The following EPS15L1 variants were observed in gnomAD, a reference collection of about 807,000 sequenced individuals.
EPS15L1 encodes epidermal growth factor receptor substrate 15-like 1.
A neutral mutation model predicts 117.1 loss-of-function variants in EPS15L1; 43 were observed. The ratio of observed to expected loss-of-function variants is 0.37; its 90% CI spans 0.29 to 0.47. The LOEUF is 0.47. EPS15L1 is among the 20% of genes least tolerant of loss of function. The pLI is 0.99. For synonymous variants in EPS15L1, 459 were observed against 470.5 expected (o/e 0.98, Z 0.32); for missense variants, 981 against 1,164.0 (o/e 0.84, Z 2.29).
Position 16,438,302 on chromosome 19 carries a change from A to C in EPS15L1, c.214-437T>G, listed in dbSNP as rs573590994. Among the ~76,000 whole-genome samples, 13 of 152,236 alleles carry C rather than the reference A, an allele frequency of 8.5e-5. 1 individual carries two copies. The highest frequency in any genetic ancestry group is 2.6e-4 in the African/African-American group (11 of 41,558). On this transcript the variant is annotated intron_variant, in intron 4 of 23. Coordinates refer to ENST00000455140, the MANE Select transcript of EPS15L1 (RefSeq NM_001258374.3). ...CAGAGGGTGGAGGCTGCAGTGAGCCAAGATCATGCCACTTCACTCCAGGCT... is the reference window on the plus strand; with the variant it reads ...CAGAGGGTGGAGGCTGCAGTGAGCCCAGATCATGCCACTTCACTCCAGGCT...
rs2092117106 is a variant in EPS15L1 at position 16,365,218 on chromosome 19, C to T, written c.2381-3234G>A. On this transcript the variant is annotated intron_variant, in intron 22 of 23. Coordinates refer to ENST00000455140, the MANE Select transcript of EPS15L1 (RefSeq NM_001258374.3). This position sits in a 1 kb window ranked among gnomAD's most constrained non-coding sequence, Gnocchi z 4.9. Reference sequence around the variant, plus strand: ...CGGTGTGGGGCATGGCGGCCACCCCCCTCAGCCTGTTTCTTAATCCAAACA... The same window carrying T: ...CGGTGTGGGGCATGGCGGCCACCCCTCTCAGCCTGTTTCTTAATCCAAACA... Among the ~76,000 whole-genome samples, 1 of 152,216 alleles carries T rather than the reference C, an allele frequency of 6.6e-6. No individual in the cohort carries two copies. Among genetic ancestry groups the T allele is most frequent in the Non-Finnish European group, 1.5e-5 (1 of 68,028 alleles).
rs41278192 is a variant in EPS15L1, at chr19:16,404,569, G to A, written c.1428+19C>T. ...CTGCCTGTGCATAGGGCGCTGCCCC[G>A]GAGGTGGCCGGGACCCACCATCTGA... On this transcript the variant is annotated intron_variant, in intron 14 of 23. Coordinates refer to ENST00000455140, the MANE Select transcript of EPS15L1 (RefSeq NM_001258374.3). This position sits in a 1 kb window ranked among gnomAD's most constrained non-coding sequence, Gnocchi z 4.2. The A allele has an allele frequency of 0.031, 49,635 of 1,613,696 alleles. 924 individuals are homozygous for A. The highest frequency in any genetic ancestry group is 0.036 in the Non-Finnish European group (42,155 of 1,179,836).
intron 7 of EPS15L1, among the ~76,000 whole-genome samples, chr19:16,429,553 G>A (rs1221685388): frequency 1.3e-5 from 2 of 152,104 alleles, no homozygotes; most frequent in South Asian, 2.1e-4. Context: ...TGCTGCGCCC[G>A]AGGCTCAGGC....
chr19:16,442,930 G>A (rs2093046950), intron 1 of EPS15L1, among the ~76,000 whole-genome samples: 1 of 152,222 alleles, frequency 6.6e-6, no homozygotes, highest in Admixed American at 6.5e-5. Flanking sequence ...CCTGGATCCA[G>A]CCTGGCTGGC....
chr19:16,404,685 T>C lies in EPS15L1; in HGVS notation c.1331A>G (p.Asp444Gly). The change falls in exon 14 of 24, where the codon GAT becomes GGT. Residue 444 changes from aspartate (D) to glycine (G), a missense_variant. Physicochemically the swap from Asp to Gly is moderately conservative, Grantham distance 94. This residue lies in a region of EPS15L1 where 819 missense variants were observed against 949.0 expected (regional missense o/e 0.86). Coordinates refer to ENST00000455140, the MANE Select transcript of EPS15L1 (RefSeq NM_001258374.3). The surrounding 1 kb of genome is among the most constrained non-coding windows in gnomAD (Gnocchi z 4.2). Reference protein sequence around the residue: ...SLQELEAQKQDAQDRLDEMDQ... With the variant: ...SLQELEAQKQGAQDRLDEMDQ... Reference sequence around the variant, plus strand: ...CATCTCGTCCAGGCGGTCTTGAGCATCCTGTTTCTGAGCCTCGAGCTCCTG... The same window carrying C: ...CATCTCGTCCAGGCGGTCTTGAGCACCCTGTTTCTGAGCCTCGAGCTCCTG... The C allele has an allele frequency of 6.2e-7, 1 of 1,614,192 alleles. No homozygotes were observed. Among genetic ancestry groups the C allele is most frequent in the Non-Finnish European group, 8.5e-7 (1 of 1,180,020 alleles).
At chr19:16,426,980 C>T (rs1242238208) in intron 8 of EPS15L1, among the ~76,000 whole-genome samples, 3 of 152,132 alleles carry the variant, frequency 2.0e-5, no homozygotes, top group South Asian at 2.1e-4. Flanking sequence ...TTAGGAAATA[C>T]GCACTGAAGT....
chr19:16,440,568 G>A, intron 4 of EPS15L1: 2 of 210,364 alleles, frequency 9.5e-6, no homozygotes. Flanking sequence ...ACTTCCACGA[G>A]AGACTGGTCC....
chr19:16,418,898 C>A (rs537002477), intron 10 of EPS15L1, among the ~76,000 whole-genome samples: 3 of 152,210 alleles, frequency 2.0e-5, no homozygotes, highest in Admixed American at 6.5e-5. Flanking sequence ...TTCCACCCCC[C>A]AGAGCCGTGA....
chr19:16,465,467 G>T (rs1033790668), intron 1 of EPS15L1, among the ~76,000 whole-genome samples: 1 of 151,952 alleles, frequency 6.6e-6, no homozygotes, highest in African/African-American at 2.4e-5. Context: ...AGGATCACTT[G>T]AGGTCAGGAG....
chr19:16,444,459 C>T (rs964542903), intron 1 of EPS15L1, among the ~76,000 whole-genome samples: 3 of 152,138 alleles, frequency 2.0e-5, no homozygotes, highest in African/African-American at 7.2e-5. Flanking sequence ...AGTGTCCAGC[C>T]ATCACACCTG....
At chr19:16,401,019 C>G (rs2144819760) in intron 16 of EPS15L1, 1 of 985,390 alleles carries the variant, frequency 1.0e-6, no homozygotes, top group South Asian at 4.7e-5. Flanking sequence ...AACACACACG[C>G]CAAGAACAGC....
intron 13 of EPS15L1, among the ~76,000 whole-genome samples, chr19:16,408,617 G>A (rs1037541500): frequency 3.3e-5 from 5 of 150,082 alleles, no homozygotes; most frequent in East Asian, 2.0e-4. Flanking sequence ...CCGAGATTGC[G>A]CCACTGCACT....
At position 16,404,549 on chromosome 19, in the gene EPS15L1, T is replaced by G; in HGVS notation, c.1428+39A>C. ...GGGGAGTCCTTGGGAAGCCCCTGCC[T>G]GTGCATAGGGCGCTGCCCCGGAGGT... On this transcript the variant is annotated intron_variant, in intron 14 of 23. Transcript: ENST00000455140. This position sits in a 1 kb window ranked among gnomAD's most constrained non-coding sequence, Gnocchi z 4.2. 6.2e-7 allele frequency: 1 copy of G among 1,610,068 alleles called. No individual in the cohort carries two copies. The highest frequency in any genetic ancestry group is 8.5e-7 in the Non-Finnish European group (1 of 1,177,484).
intron 7 of EPS15L1, among the ~76,000 whole-genome samples, chr19:16,431,458 C>T (rs1225341705): frequency 6.6e-6 from 1 of 151,594 alleles, no homozygotes; most frequent in Non-Finnish European, 1.5e-5. Flanking sequence ...AGTGTGCCAC[C>T]ATGCCCAGCT....
intron 1 of EPS15L1, among the ~76,000 whole-genome samples, chr19:16,445,022 G>C (rs1015673473): frequency 5.9e-5 from 9 of 152,144 alleles, no homozygotes; most frequent in African/African-American, 2.2e-4. Flanking sequence ...CCCAGCCCCA[G>C]GCGAGTTTTT....
intron 10 of EPS15L1, among the ~76,000 whole-genome samples, chr19:16,419,713 C>G (rs139109227): frequency 6.6e-6 from 1 of 152,206 alleles, no homozygotes; most frequent in African/African-American, 2.4e-5. Context: ...AACAGAGCTG[C>G]GGAGAATGAG....
At position 16,404,406 on chromosome 19, in the gene EPS15L1, G is replaced by C. The variant is rs74808985; in HGVS notation, c.1428+182C>G. Among the ~76,000 whole-genome samples, 249 of 152,242 alleles carry C rather than the reference G, an allele frequency of 1.6e-3. 3 individuals carry two copies. Among genetic ancestry groups the C allele is most frequent in the East Asian group, 0.013 (69 of 5,180 alleles). On this transcript the variant is annotated intron_variant, in intron 14 of 23. Transcript: ENST00000455140. The surrounding 1 kb of genome is among the most constrained non-coding windows in gnomAD (Gnocchi z 4.2). ...TACAACCTGACTTCTAGGAGTACAG[G>C]GGGGTGGCCAGGAAGTCAAGCCACA...
intron 1 of EPS15L1, among the ~76,000 whole-genome samples, chr19:16,450,477 C>CTTTTTT (rs768287701): frequency 1.4e-4 from 15 of 108,164 alleles, no homozygotes; most frequent in African/African-American, 2.7e-4. Flanking sequence ...TGTCCATCTT[C>CTTTTTT]TTTTTTTTTT....
At chr19:16,427,863 C>T (rs1484169961) in intron 8 of EPS15L1, among the ~76,000 whole-genome samples, 1 of 151,146 alleles carries the variant, frequency 6.6e-6, no homozygotes, top group Non-Finnish European at 1.5e-5. Context: ...CACTGCACTC[C>T]AGCCTGGGTG....
Sources: gnomAD v4.1 joint callset for allele counts (sites outside exome capture counted in the v4.1 genomes callset) on GRCh38, gnomAD v4.1.1 for gene constraint, gnomAD v4.1.1 regional missense constraint, Gnocchi (gnomAD v3.1) non-coding constraint, MANE v1.5 for transcripts, NCBI Gene and HGNC (gene_info 2026-07-23, HGNC 2026-07-21) for gene names.